The following DCAF8L2 variants were observed in gnomAD, a reference collection of about 807,000 sequenced individuals.
DCAF8L2 encodes DDB1- and CUL4-associated factor 8-like protein 2.
For missense variants in DCAF8L2, 430 were observed against 490.7 expected (o/e 0.88, Z 1.17); for synonymous variants, 200 against 190.9 (o/e 1.05, Z -0.39).
intron 2 of DCAF8L2, among the ~76,000 whole-genome samples, chrX:27,635,137 A>G (rs1388698261): frequency 9.0e-6 from 1 of 111,631 alleles, no homozygotes; most frequent in Admixed American, 9.6e-5. Flanking sequence ...AAGCTGAGTT[A>G]TTACATAATT....
chrX:27,510,578 G>A, the DCAF8L2 span, among the ~76,000 whole-genome samples: 3 of 106,509 alleles, frequency 2.8e-5, no homozygotes, highest in Non-Finnish European at 5.8e-5. Flanking sequence ...TATATATGTA[G>A]CCAAATTTCT....
intron 1 of DCAF8L2, among the ~76,000 whole-genome samples, chrX:27,628,941 C>A (rs1302295962): frequency 9.0e-6 from 1 of 111,149 alleles, no homozygotes; most frequent in Non-Finnish European, 1.9e-5. Context: ...CTCATTGTAG[C>A]TTTGATTTGC....
chrX:27,741,443 G>A (rs5926893), intron 4 of DCAF8L2, among the ~76,000 whole-genome samples: 44,282 of 97,950 alleles, frequency 0.45, 9,205 homozygotes, highest in African/African-American at 0.66. Context: ...CATGGCTTAG[G>A]AGACCTTCAA....
intron 1 of DCAF8L2, among the ~76,000 whole-genome samples, chrX:27,604,894 G>T (rs1438307079): frequency 8.9e-6 from 1 of 112,070 alleles, no homozygotes; most frequent in Non-Finnish European, 1.9e-5. Flanking sequence ...ATGTTGAGTA[G>T]CTACAAAGGT....
intron 3 of DCAF8L2, among the ~76,000 whole-genome samples, chrX:27,709,665 CT>C (rs1373308437): frequency 9.0e-6 from 1 of 111,686 alleles, no homozygotes; most frequent in East Asian, 2.8e-4. Context: ...TACAAAGTCT[CT>C]TTTGCCATGT....
chrX:27,567,174 T>C, the DCAF8L2 span, among the ~76,000 whole-genome samples: 1 of 111,009 alleles, frequency 9.0e-6, no homozygotes, highest in African/African-American at 3.3e-5. Flanking sequence ...ATGTTCCATG[T>C]GCACTTGAGA....
At chrX:27,534,525 A>G in the DCAF8L2 span, among the ~76,000 whole-genome samples, 2 of 112,252 alleles carry the variant, frequency 1.8e-5, no homozygotes, top group South Asian at 7.3e-4. Flanking sequence ...AGCCTGAATT[A>G]TATGACAAAA....
chrX:27,748,901 T>C lies in DCAF8L2; in HGVS notation c.*110T>C. ...ATTAATAGATTTGCTTTTTGTCTTC[T>C]ATTTTCCATAATATATGCTGAAAAC... On this transcript the variant is annotated 3_prime_UTR_variant, in exon 5 of 5. Coordinates refer to ENST00000451261, the MANE Select transcript of DCAF8L2 (RefSeq NM_001353450.2). The C allele has an allele frequency of 1.1e-6, 1 of 922,509 alleles. No homozygotes were observed. The highest frequency in any genetic ancestry group is 3.8e-5 in the Admixed American group (1 of 26,023). 76.0% of individuals were successfully genotyped at this position (922,509 alleles called of 1,213,427 possible).
intron 2 of DCAF8L2, among the ~76,000 whole-genome samples, chrX:27,655,581 T>A (rs778898315): frequency 7.4e-4 from 83 of 112,241 alleles, no homozygotes; most frequent in African/African-American, 2.6e-3. Context: ...CAATTCAACT[T>A]AAAGGTGGAC....
intron 3 of DCAF8L2, among the ~76,000 whole-genome samples, chrX:27,684,710 C>T: frequency 9.0e-6 from 1 of 111,599 alleles, no homozygotes; most frequent in Non-Finnish European, 1.9e-5. Flanking sequence ...TAATGTTCTA[C>T]ATGGTAGGAC....
intron 2 of DCAF8L2, among the ~76,000 whole-genome samples, chrX:27,655,002 CCTAT>C (rs1266492922): frequency 3.6e-5 from 4 of 111,235 alleles, no homozygotes; most frequent in Non-Finnish European, 7.5e-5. Flanking sequence ...TTTTCTCTCT[CCTAT>C]CTATCTATTC....
At chrX:27,744,431 T>C (rs1015243931) in intron 4 of DCAF8L2, among the ~76,000 whole-genome samples, 9 of 111,721 alleles carry the variant, frequency 8.1e-5, no homozygotes, top group African/African-American at 2.9e-4. Flanking sequence ...TTAAATTGTA[T>C]ACACCATTAT....
chrX:27,493,626 G>A, the DCAF8L2 span, among the ~76,000 whole-genome samples: 3 of 105,231 alleles, frequency 2.9e-5, no homozygotes, highest in Admixed American at 2.1e-4. Flanking sequence ...CAGGAGAATC[G>A]CTTGAACCTG....
chrX:27,568,742 A>G, the DCAF8L2 span, among the ~76,000 whole-genome samples: 1 of 107,076 alleles, frequency 9.3e-6, no homozygotes, highest in Non-Finnish European at 1.9e-5. Context: ...ACATATGTAT[A>G]CATGTGCCAT....
intron 3 of DCAF8L2, among the ~76,000 whole-genome samples, chrX:27,694,884 T>C (rs1930839133): frequency 8.9e-6 from 1 of 112,204 alleles, no homozygotes; most frequent in Admixed American, 9.5e-5. Context: ...ATGACTGCAC[T>C]TGAAACGTAA....
chrX:27,694,022 T>G (rs769942406), intron 3 of DCAF8L2, among the ~76,000 whole-genome samples: 1 of 112,155 alleles, frequency 8.9e-6, no homozygotes, highest in Non-Finnish European at 1.9e-5. Flanking sequence ...TGGAATACTA[T>G]GTAGCCACAA....
intron 2 of DCAF8L2, among the ~76,000 whole-genome samples, chrX:27,651,802 G>A (rs190716984): frequency 2.6e-4 from 29 of 110,656 alleles, no homozygotes; most frequent in African/African-American, 5.2e-4. Flanking sequence ...GAGCCACCAC[G>A]CCTGGCAGAT....
chrX:27,665,843 T>A (rs1929721290), intron 2 of DCAF8L2, among the ~76,000 whole-genome samples: 1 of 111,839 alleles, frequency 8.9e-6, no homozygotes, highest in Non-Finnish European at 1.9e-5. Flanking sequence ...TTAAGGTATG[T>A]ACATTTTTTA....
intron 2 of DCAF8L2, among the ~76,000 whole-genome samples, chrX:27,638,593 T>C (rs1390371674): frequency 9.0e-6 from 1 of 111,557 alleles, no homozygotes; most frequent in Non-Finnish European, 1.9e-5. Flanking sequence ...GAATGAAATA[T>C]AATACAAGGT....
Sources: allele counts gnomAD v4.1 joint callset (sites outside exome capture counted in the v4.1 genomes callset), GRCh38; gene constraint gnomAD v4.1.1; transcripts MANE v1.5; gene names NCBI Gene and HGNC (gene_info 2026-07-23, HGNC 2026-07-21).